CPB1: variants seen among roughly 807,000 people sequenced by gnomAD.
The protein encoded by CPB1 is carboxypeptidase B1.
Under a neutral mutation model 51.4 loss-of-function variants are expected in CPB1, and 53 were observed. That is an observed-to-expected ratio of 1.03 (90% confidence interval 0.83 to 1.30). The LOEUF (loss-of-function observed/expected upper bound fraction) is 1.30, where lower values mean the gene tolerates loss of function less well. Among genes scored for constraint, CPB1 ranks in the 50% most tolerant of loss-of-function variants. The probability of loss-of-function intolerance (pLI) is 0.00; values close to 1 mark genes in which losing one functional copy is unlikely to be tolerated. For missense variants in CPB1, 494 were observed against 516.2 expected, an observed-to-expected ratio of 0.96 and a Z score of 0.42; for synonymous variants, 189 against 186.9, an observed-to-expected ratio of 1.01 and a Z score of -0.09.
chr3:148,844,785 C>A lies in CPB1; in HGVS notation c.778+18C>A, dbSNP rs1285535040. On this transcript the variant is annotated intron_variant, in intron 8 of 10. Transcript: ENST00000282957. The stretch of plus-strand genomic sequence containing the variant: ...TTGGTGTGGTAAGTATCTGGCTAGC[C>A]ATTTTGCATGTATCCATTGAAAAAC... 6.2e-7 allele frequency: 1 copy of A among 1,604,190 alleles called. No homozygotes were observed. The highest frequency in any genetic ancestry group is 2.2e-5 in the East Asian group (1 of 44,816).
intron 8 of CPB1, 130 bp downstream of exon 8, chr3:148,844,897 C>CA (rs374599024): frequency 0.16 from 88,667 of 541,118 alleles, 73 homozygotes; most frequent in South Asian, 0.22. Flanking sequence ...CTAAAAGCAC[C>CA]AAAAAAAAAA....
chr3:148,859,879 T>C lies in CPB1; in HGVS notation c.1131T>C (p.Phe377=). ...YDQGIRYSFT[F]ELRDTGRYGF... ...AAGGAATCAGATATTCCTTCACCTTTGAACTTCGAGATACAGGCAGATATG... is the reference window on the plus strand; with the variant it reads ...AAGGAATCAGATATTCCTTCACCTTCGAACTTCGAGATACAGGCAGATATG... The change falls in exon 11 of 11, where the codon TTT becomes TTC. Residue 377 remains phenylalanine, a synonymous_variant. Coordinates refer to ENST00000282957, the MANE Select transcript of CPB1 (RefSeq NM_001871.3). 6.2e-7 allele frequency: 1 copy of C among 1,614,182 alleles called. No individual in the cohort carries two copies. The highest frequency in any genetic ancestry group is 8.5e-7 in the Non-Finnish European group (1 of 1,180,010).
At chr3:148,828,187 C>CAAGA (rs1343412129) in intron 2 of CPB1, 110 bp downstream of exon 2, 1 of 905,746 alleles carries the variant, frequency 1.1e-6, no homozygotes, top group Non-Finnish European at 1.7e-6. Flanking sequence ...ATTTTGGTAG[C>CAAGA]AAGAAATAAA....
chr3:148,841,705 A>G, intron 5 of CPB1, 118 bp from the exon 6 acceptor site: 1 of 670,260 alleles, frequency 1.5e-6, no homozygotes, highest in Middle Eastern at 2.5e-4. Context: ...CATGGGATCC[A>G]GCTCTTGCTG....
intron 3 of CPB1, among the ~76,000 whole-genome samples, chr3:148,835,779 ATT>A (rs200151542): frequency 0.016 from 2,471 of 152,300 alleles, 56 homozygotes; most frequent in African/African-American, 0.055. Flanking sequence ...AGCCTATATA[ATT>A]TTAACAGAAA....
intron 8 of CPB1, 33 bp downstream of exon 8, chr3:148,844,800 C>A: frequency 6.4e-7 from 1 of 1,559,368 alleles, no homozygotes; most frequent in South Asian, 1.1e-5. Context: ...TGCATGTATC[C>A]ATTGAAAAAC....
chr3:148,835,466 G>C (rs1215933928), intron 3 of CPB1, among the ~76,000 whole-genome samples: 2 of 152,144 alleles, frequency 1.3e-5, no homozygotes, highest in Non-Finnish European at 2.9e-5. Flanking sequence ...TGATTCTTCA[G>C]CTGAGAACTG....
intron 10 of CPB1, among the ~76,000 whole-genome samples, chr3:148,859,598 C>A (rs1237574614): frequency 6.6e-6 from 1 of 152,190 alleles, no homozygotes; most frequent in Non-Finnish European, 1.5e-5. Flanking sequence ...GTATTAAACA[C>A]ATCATTTCTA....
intron 9 of CPB1, among the ~76,000 whole-genome samples, chr3:148,852,261 A>G (rs1713454755): frequency 1.3e-5 from 2 of 152,172 alleles, no homozygotes; most frequent in Admixed American, 1.3e-4. Flanking sequence ...TATGACTTCC[A>G]TTTCAACTAA....
chr3:148,830,410 A>G (rs1180834367), intron 2 of CPB1, among the ~76,000 whole-genome samples: 1 of 152,108 alleles, frequency 6.6e-6, no homozygotes, highest in Non-Finnish European at 1.5e-5. Context: ...TGTTAGTCAA[A>G]CTTGGACACC....
At chr3:148,846,752 T>TAC (rs1559960104) in intron 9 of CPB1, among the ~76,000 whole-genome samples, 13 of 452 alleles carry the variant, frequency 0.029, 2 homozygotes, top group African/African-American at 0.11. Flanking sequence ...TATATATATA[T>TAC]ATACATATAT....
intron 8 of CPB1, among the ~76,000 whole-genome samples, chr3:148,845,060 ATAAT>A (rs1576571119): frequency 2.0e-5 from 3 of 152,278 alleles, no homozygotes; most frequent in East Asian, 1.9e-4. Flanking sequence ...TATTAAATAA[ATAAT>A]TATTTACATA....
chr3:148,845,642 GT>G lies in CPB1; in HGVS notation c.981+17del. On this transcript the variant is annotated intron_variant, in intron 9 of 10. Transcript: ENST00000282957. ...TGCTGAGTTGGTAAGTAGCAAAGTA[GT>G]AGGTATGACATTTTACTATTGAGAT... 6.3e-7 allele frequency: 1 copy of G among 1,584,864 alleles called. No homozygotes were observed. The highest frequency in any genetic ancestry group is 8.7e-7 in the Non-Finnish European group (1 of 1,154,016).
In CPB1 at chr3:148,859,303, T is replaced by C. The variant is rs145981437; in HGVS notation, c.1067-512T>C. The stretch of plus-strand genomic sequence containing the variant: ...CATATTCTATGTGTTAGTGACAACA[T>C]GATTGTTATTGAATAAATTAATAAC... On this transcript the variant is annotated intron_variant, in intron 10 of 10. Coordinates refer to ENST00000282957, the MANE Select transcript of CPB1 (RefSeq NM_001871.3). 1.3e-3 allele frequency among the ~76,000 whole-genome samples: 194 copies of C among 152,366 alleles called. 1 individual carries two copies. The East Asian group carries it at 0.036, about 28-fold the overall frequency.
At chr3:148,843,123 T>C (rs1352044488) in intron 6 of CPB1, among the ~76,000 whole-genome samples, 2 of 152,122 alleles carry the variant, frequency 1.3e-5, no homozygotes, top group African/African-American at 2.4e-5. Flanking sequence ...GATCCTAGAT[T>C]GTAACCTAGA....
At chr3:148,845,687 GA>G (rs139558909) in intron 9 of CPB1, 61 bp downstream of exon 9, 130 of 1,293,060 alleles carry the variant, frequency 1.0e-4, no homozygotes, top group Middle Eastern at 9.5e-4. Context: ...TTCTAATCCT[GA>G]AAAAAAAATC....
chr3:148,853,962 T>C (rs913326729), intron 9 of CPB1, among the ~76,000 whole-genome samples: 2 of 152,232 alleles, frequency 1.3e-5, no homozygotes, highest in African/African-American at 4.8e-5. Flanking sequence ...TGAGAAACAA[T>C]GTAAGATGTC....
intron 3 of CPB1, among the ~76,000 whole-genome samples, chr3:148,836,436 T>G (rs1365337084): frequency 6.6e-6 from 1 of 152,344 alleles, no homozygotes; most frequent in East Asian, 1.9e-4. Context: ...TCTTTGTAAT[T>G]CTTTAAGAAA....
intron 2 of CPB1, among the ~76,000 whole-genome samples, chr3:148,829,549 G>T (rs1268434660): frequency 6.6e-6 from 1 of 152,120 alleles, no homozygotes; most frequent in Non-Finnish European, 1.5e-5. Context: ...TCACCTAAAT[G>T]TAGGATTTTA....
Sources: gnomAD v4.1 joint callset for allele counts (sites outside exome capture counted in the v4.1 genomes callset) on GRCh38, gnomAD v4.1.1 for gene constraint, MANE v1.5 for transcripts, NCBI Gene and HGNC (gene_info 2026-07-23, HGNC 2026-07-21) for gene names.